PCDH11X: variants seen among roughly 807,000 people sequenced by gnomAD.
PCDH11X encodes the protein protocadherin-11 X-linked.
In PCDH11X, 18 loss-of-function variants were observed where a neutral mutation model predicts 53.3. The observed-to-expected ratio is 0.34, with a 90% confidence interval of 0.23 to 0.50. PCDH11X has a LOEUF of 0.50. Ranked by LOEUF, PCDH11X falls within the 20% of genes least tolerant of loss-of-function variation. The probability of loss-of-function intolerance (pLI) is 0.98; values close to 1 mark genes in which losing one functional copy is unlikely to be tolerated. For synonymous variants in PCDH11X, 279 were observed against 393.3 expected (o/e 0.71, Z 3.44); for missense variants, 570 against 1,032.4 (o/e 0.55, Z 6.14).
At chrX:92,609,222 T>C (rs972146845) in intron 10 of PCDH11X, among the ~76,000 whole-genome samples, 1 of 112,031 alleles carries the variant, frequency 8.9e-6, no homozygotes, top group African/African-American at 3.2e-5. Context: ...ATTTCTACGA[T>C]AACATACGTT....
intron 6 of PCDH11X, among the ~76,000 whole-genome samples, chrX:91,886,147 A>C (rs1286557984): frequency 1.8e-5 from 2 of 111,833 alleles, no homozygotes; most frequent in African/African-American, 6.5e-5. Context: ...CGCATCTTTA[A>C]TTTAATTGAT....
chrX:92,247,444 G>A (rs1402601413), intron 7 of PCDH11X, among the ~76,000 whole-genome samples: 1 of 111,965 alleles, frequency 8.9e-6, no homozygotes, highest in East Asian at 2.8e-4. Context: ...TTGGTTACTT[G>A]TATTGTTTTC....
In PCDH11X at chrX:92,622,919, G is replaced by GTGA. The variant is rs1376472454; in HGVS notation, c.*3981_*3983dup. 9.0e-6 allele frequency: 1 copy of GTGA among 111,696 alleles called. No individual in the cohort carries two copies. Among genetic ancestry groups the GTGA allele is most frequent in the Non-Finnish European group, 1.9e-5 (1 of 53,017 alleles). 9.2% of individuals were successfully genotyped at this position (111,696 alleles called of 1,213,427 possible). A position where few individuals can be genotyped will look rare whatever the true frequency, so the allele number is the denominator to read the frequency against. On this transcript the variant is annotated 3_prime_UTR_variant, in exon 11 of 11. Coordinates refer to ENST00000682573, the MANE Select transcript of PCDH11X (RefSeq NM_032968.5). ...AATGGCAATTGTTTAGTGATTGTAA[G>GTGA]TGATACTTTTTAAAGAGTAAACTGT...
At chrX:92,234,797 C>T (rs2148375629) in intron 7 of PCDH11X, among the ~76,000 whole-genome samples, 1 of 110,770 alleles carries the variant, frequency 9.0e-6, no homozygotes, top group East Asian at 2.8e-4. Flanking sequence ...ATGGAGGAAA[C>T]AATGAGTTTT....
intron 6 of PCDH11X, among the ~76,000 whole-genome samples, chrX:92,157,662 A>G (rs2065562305): frequency 8.9e-6 from 1 of 111,914 alleles, no homozygotes; most frequent in Non-Finnish European, 1.9e-5. Flanking sequence ...AGACTCAAAT[A>G]CACACTTTTC....
chrX:92,577,795 C>T (rs901174831), intron 10 of PCDH11X, among the ~76,000 whole-genome samples: 1 of 109,014 alleles, frequency 9.2e-6, no homozygotes, highest in African/African-American at 3.4e-5. Context: ...TCTTATTTAC[C>T]CAGGAGTCAT....
At chrX:91,779,939 C>A (rs1226404318) in intron 1 of PCDH11X, among the ~76,000 whole-genome samples, 2 of 111,848 alleles carry the variant, frequency 1.8e-5, no homozygotes, top group Non-Finnish European at 3.8e-5. Flanking sequence ...TTTGGGAAAA[C>A]TCTCACTTTT....
At chrX:92,110,120 G>C (rs371664923) in intron 6 of PCDH11X, among the ~76,000 whole-genome samples, 1 of 111,633 alleles carries the variant, frequency 9.0e-6, no homozygotes, top group East Asian at 2.8e-4. Flanking sequence ...ATATTTAAAA[G>C]GATTTTTATT....
intron 6 of PCDH11X, among the ~76,000 whole-genome samples, chrX:91,886,474 C>T (rs1271160370): frequency 1.8e-5 from 2 of 110,574 alleles, no homozygotes; most frequent in Non-Finnish European, 3.8e-5. Flanking sequence ...ACAAAAAATA[C>T]TGAAATATAT....
At chrX:92,147,948 T>C (rs1190851410) in intron 6 of PCDH11X, among the ~76,000 whole-genome samples, 2 of 96,391 alleles carry the variant, frequency 2.1e-5, no homozygotes, top group African/African-American at 7.9e-5. Flanking sequence ...TCTTCCTTCC[T>C]TCCTTTCCTT....
At chrX:91,982,854 G>A (rs1012795854) in intron 6 of PCDH11X, 27 of 904,283 alleles carry the variant, frequency 3.0e-5, no homozygotes, top group Middle Eastern at 3.9e-4. Flanking sequence ...TTCGAAACGC[G>A]TGTTACTGTT....
chrX:92,510,880 A>G (rs778284461), intron 10 of PCDH11X, among the ~76,000 whole-genome samples: 2 of 111,878 alleles, frequency 1.8e-5, no homozygotes, highest in Admixed American at 1.9e-4. Flanking sequence ...GTATTATTAA[A>G]TTATGGAAAT....
chrX:91,907,412 C>CAGAGAG (rs59848282), intron 6 of PCDH11X, among the ~76,000 whole-genome samples: 1,587 of 57,482 alleles, frequency 0.028, 43 homozygotes, highest in African/African-American at 0.042. Flanking sequence ...CACACACACA[C>CAGAGAG]AGAGAGAGAG....
chrX:91,798,601 A>T (rs934236076), intron 1 of PCDH11X, among the ~76,000 whole-genome samples: 2 of 110,803 alleles, frequency 1.8e-5, no homozygotes, highest in Admixed American at 9.6e-5. Context: ...AAAAAAAAAA[A>T]AATCAGTAGA....
chrX:92,011,062 T>C (rs778593302), intron 6 of PCDH11X, among the ~76,000 whole-genome samples: 2 of 111,320 alleles, frequency 1.8e-5, no homozygotes, highest in Non-Finnish European at 3.8e-5. Flanking sequence ...GATTTTATTC[T>C]TTTTATGGCT....
intron 8 of PCDH11X, among the ~76,000 whole-genome samples, chrX:92,297,574 G>A (rs1450270254): frequency 9.0e-5 from 10 of 111,134 alleles, no homozygotes; most frequent in African/African-American, 2.9e-4. Context: ...GTTTGAAGTC[G>A]GGTAATGTGA....
At chrX:92,495,643 G>A (rs1378205266) in intron 10 of PCDH11X, among the ~76,000 whole-genome samples, 5 of 109,828 alleles carry the variant, frequency 4.6e-5, no homozygotes, top group Non-Finnish European at 9.5e-5. Context: ...TCATGCTGCT[G>A]ATAAAGATAT....
chrX:92,550,196 A>G (rs1199117306), intron 10 of PCDH11X, among the ~76,000 whole-genome samples: 2 of 110,604 alleles, frequency 1.8e-5, no homozygotes, highest in Admixed American at 9.7e-5. Flanking sequence ...AACATGCGGT[A>G]TTAATCCTTT....
Position 91,824,383 on chromosome X carries a change from C to G in PCDH11X, c.-44-11078C>G, listed in dbSNP as rs1272154689. On this transcript the variant is annotated intron_variant, in intron 4 of 10. Coordinates refer to ENST00000682573, the MANE Select transcript of PCDH11X (RefSeq NM_032968.5). ...GAGGCTTTGCTTGTTTCTTTTTATT[C>G]TTTTTTCTCTAAACTTCCCTTCTCA... 3.9e-3 allele frequency among the ~76,000 whole-genome samples: 433 copies of G among 109,963 alleles called. 1 individual carries two copies. Among genetic ancestry groups the G allele is most frequent in the Non-Finnish European group, 6.1e-3 (320 of 52,827 alleles).
Sources: allele counts gnomAD v4.1 joint callset (sites outside exome capture counted in the v4.1 genomes callset), GRCh38; gene constraint gnomAD v4.1.1; transcripts MANE v1.5; gene names NCBI Gene and HGNC (gene_info 2026-07-23, HGNC 2026-07-21).